The following SLC9A2 variants were observed in gnomAD, a reference collection of about 807,000 sequenced individuals.
SLC9A2 encodes the protein solute carrier family 9 member A2, also known as sodium/hydrogen exchanger 2.
Under a neutral mutation model 71.7 loss-of-function variants are expected in SLC9A2, and 42 were observed. That is an observed-to-expected ratio of 0.59 (90% CI 0.46 to 0.76). SLC9A2 has a LOEUF of 0.76. SLC9A2 is among the 30% of genes least tolerant of loss of function. The pLI is 0.00. For missense variants in SLC9A2, 829 were observed against 1,017.4 expected, an observed-to-expected ratio of 0.81 and a Z score of 2.52; for synonymous variants, 396 against 392.5, an observed-to-expected ratio of 1.01 and a Z score of -0.10.
Position 102,710,806 on chromosome 2 carries a change from G to A in SLC9A2, c.*2317G>A, listed in dbSNP as rs1361300630. 2.6e-5 allele frequency: 4 copies of A among 152,250 alleles called. No individual in the cohort carries two copies. Among genetic ancestry groups the A allele is most frequent in the Non-Finnish European group, 5.9e-5 (4 of 68,022 alleles). The allele number at this position is 152,250 out of a possible 1,614,324, so 9.4% of individuals were successfully genotyped here. A position where few individuals can be genotyped will look rare whatever the true frequency, so the allele number is the denominator to read the frequency against. On this transcript the variant is annotated 3_prime_UTR_variant, in exon 12 of 12. Coordinates refer to ENST00000233969, the MANE Select transcript of SLC9A2 (RefSeq NM_003048.6). ...AGAGAGAGCCGTAGCCCTTTGTAAA[G>A]GCTTTCGTTCGTCCAAACAACACTT...
intron 6 of SLC9A2, among the ~76,000 whole-genome samples, chr2:102,694,711 G>C (rs1677720929): frequency 6.6e-6 from 1 of 152,122 alleles, no homozygotes; most frequent in African/African-American, 2.4e-5. Flanking sequence ...CTAAACTCCT[G>C]CATGAGTAGA....
intron 10 of SLC9A2, among the ~76,000 whole-genome samples, chr2:102,705,216 A>G (rs1351629430): frequency 6.6e-6 from 1 of 152,014 alleles, no homozygotes; most frequent in African/African-American, 2.4e-5. Flanking sequence ...AATAATAACA[A>G]TAATAATAAT....
In SLC9A2 at chr2:102,704,618, G is replaced by A. The variant is rs1441215438; in HGVS notation, c.1920G>A (p.Arg640=). 25 of 1,613,570 alleles carry A rather than the reference G, an allele frequency of 1.5e-5. No homozygotes were observed. The highest frequency in any genetic ancestry group is 1.9e-5 in the Non-Finnish European group (23 of 1,179,724). Residue 640 remains arginine (R), a synonymous_variant, in exon 10 of 12, where the codon CGG becomes CGA. Transcript: ENST00000233969. ...AAGCCAAGGAGATTCTGATTCGCCG[G>A]CGACACAGTTTGCGAGAAAGCATTA... is the stretch of plus-strand genomic sequence containing the variant. ...ERQAKEILIR[R]RHSLRESIRK...
chr2:102,708,032 A>C, intron 11 of SLC9A2, 87 bp from the exon 12 acceptor site: 1 of 1,401,314 alleles, frequency 7.1e-7, no homozygotes, highest in Non-Finnish European at 9.8e-7. Context: ...AGGACGTATC[A>C]GTTGCCTGAC....
intron 8 of SLC9A2, 49 bp from the exon 9 acceptor site, chr2:102,702,357 T>C (rs1210809440): frequency 9.9e-7 from 1 of 1,015,070 alleles, no homozygotes; most frequent in Non-Finnish European, 1.5e-6. Flanking sequence ...AAATCAATGA[T>C]TCTAATATTT....
At chr2:102,632,045 CACACACATATAT>C (rs1676370139) in intron 1 of SLC9A2, among the ~76,000 whole-genome samples, 1 of 97,104 alleles carries the variant, frequency 1.0e-5, no homozygotes, top group African/African-American at 4.0e-5. Context: ...TATACATACA[CACACACATATAT>C]ATACACACAC....
intron 1 of SLC9A2, among the ~76,000 whole-genome samples, chr2:102,636,184 A>G (rs1244770350): frequency 2.0e-5 from 3 of 152,236 alleles, no homozygotes; most frequent in Non-Finnish European, 4.4e-5. Flanking sequence ...TTTTGCAACC[A>G]TAAGCAAATG....
chr2:102,703,633 G>A (rs552966701), intron 9 of SLC9A2, among the ~76,000 whole-genome samples: 1 of 152,312 alleles, frequency 6.6e-6, no homozygotes, highest in South Asian at 2.1e-4. Flanking sequence ...GCTCAAGGCA[G>A]GAATGAAGCC....
At chr2:102,684,557 A>T (rs2104540717) in intron 5 of SLC9A2, among the ~76,000 whole-genome samples, 1 of 152,312 alleles carries the variant, frequency 6.6e-6, no homozygotes, top group Admixed American at 6.5e-5. Context: ...TTATTTAAGG[A>T]AACTAAACTA....
chr2:102,657,722 G>A lies in SLC9A2; in HGVS notation c.448G>A (p.Val150Met), dbSNP rs372934406. 2.5e-6 allele frequency: 4 copies of A among 1,614,020 alleles called. No homozygotes were observed. The highest frequency in any genetic ancestry group is 1.1e-5 in the South Asian group (1 of 91,092). ...VFFLYLLPPIVLDAGYFMPTR... is the reference protein window; with the variant it reads ...VFFLYLLPPIMLDAGYFMPTR... ...TTTCTTGTACCTCCTCCCACCCATC[G>A]TGCTGGATGCCGGCTATTTCATGCC... Residue 150 changes from valine (V) to methionine (M), a missense_variant, in exon 2 of 12, where the codon GTG becomes ATG. This residue lies in a region of SLC9A2 where 500 missense variants were observed against 726.3 expected (regional missense o/e 0.69). Transcript: ENST00000233969.
intron 1 of SLC9A2, among the ~76,000 whole-genome samples, chr2:102,626,467 C>A (rs1467877448): frequency 6.6e-6 from 1 of 152,102 alleles, no homozygotes; most frequent in Non-Finnish European, 1.5e-5. Flanking sequence ...ACCATAAAAA[C>A]CCTAGAAGAA....
chr2:102,657,554 T>C lies in SLC9A2; in HGVS notation c.290-10T>C. On this transcript the variant is annotated splice_polypyrimidine_tract_variant and intron_variant, in intron 1 of 11. Transcript: ENST00000233969. Reference sequence around the variant, plus strand: ...ACCCAAGTTGTGTGTTTTTATTTTTTCCTTACCAGGCTTCCATCTGTATCA... The same window carrying C: ...ACCCAAGTTGTGTGTTTTTATTTTTCCCTTACCAGGCTTCCATCTGTATCA... The C allele has an allele frequency of 6.4e-7, 1 of 1,569,346 alleles. No homozygotes were observed. Among genetic ancestry groups the C allele is most frequent in the Non-Finnish European group, 8.6e-7 (1 of 1,158,026 alleles).
rs201347551 is a variant in SLC9A2 at position 102,646,768 on chromosome 2, A to AATATATATATATATAT, written c.290-10789_290-10774dup. 8.2e-3 allele frequency among the ~76,000 whole-genome samples: 1,091 copies of AATATATATATATATAT among 132,786 alleles called. 27 individuals carry two copies. The highest frequency in any genetic ancestry group is 0.02 in the African/African-American group (633 of 32,056). The allele number at this position is 132,786 out of a possible 152,430, so 87.1% of individuals were successfully genotyped here. The stretch of plus-strand genomic sequence containing the variant: ...GCAGCAAGAAGAGCTAACGATCCTA[A>AATATATATATATATAT]ATATATATATATATATATATATCTC... On this transcript the variant is annotated intron_variant, in intron 1 of 11. Coordinates refer to ENST00000233969, the MANE Select transcript of SLC9A2 (RefSeq NM_003048.6).
At chr2:102,645,560 G>T (rs1676704948) in intron 1 of SLC9A2, among the ~76,000 whole-genome samples, 1 of 151,902 alleles carries the variant, frequency 6.6e-6, no homozygotes, top group Non-Finnish European at 1.5e-5. Flanking sequence ...CTTGATAAAA[G>T]GTTATAGGAG....
chr2:102,704,426 A>G (rs755270113), intron 9 of SLC9A2, 118 bp from the exon 10 acceptor site: 2 of 841,702 alleles, frequency 2.4e-6, no homozygotes, highest in East Asian at 2.8e-5. Flanking sequence ...CACAGAAGTT[A>G]TAAGTGCTTA....
At chr2:102,684,868 C>A (rs1054999878) in intron 5 of SLC9A2, among the ~76,000 whole-genome samples, 4 of 152,152 alleles carry the variant, frequency 2.6e-5, no homozygotes, top group African/African-American at 9.7e-5. Flanking sequence ...ATTCATTTAT[C>A]AAATATTTCC....
At chr2:102,639,194 A>T (rs1207983736) in intron 1 of SLC9A2, among the ~76,000 whole-genome samples, 1 of 152,226 alleles carries the variant, frequency 6.6e-6, no homozygotes, top group African/African-American at 2.4e-5. Context: ...AAAAAATAGA[A>T]ACCTGCAGAA....
rs1676095528 is a variant in SLC9A2 at position 102,619,724 on chromosome 2, G to A, written c.-125G>A. ...GCAGAGACCCGGTGCCGCAGCAGCG[G>A]CGGGTGGCTGTCGCTGCCCTGCCCT... On this transcript the variant is annotated 5_prime_UTR_variant, in exon 1 of 12. Transcript: ENST00000233969. The surrounding 1 kb of genome is among the most constrained non-coding windows in gnomAD (Gnocchi z 4.3). The A allele has an allele frequency of 1.3e-5, 10 of 791,478 alleles. No homozygotes were observed. In the South Asian group the frequency reaches 2.6e-4, roughly 21 times the overall value. The allele number at this position is 791,478 out of a possible 1,614,324, so 49.0% of individuals were successfully genotyped here. A position where few individuals can be genotyped will look rare whatever the true frequency, so the allele number is the denominator to read the frequency against.
intron 5 of SLC9A2, among the ~76,000 whole-genome samples, chr2:102,687,783 A>AT (rs35653787): frequency 0.036 from 5,186 of 145,352 alleles, 289 homozygotes; most frequent in African/African-American, 0.12. Context: ...TGTTTGGGGA[A>AT]TTTTTTTTTT....
Sources: allele counts gnomAD v4.1 joint callset (sites outside exome capture counted in the v4.1 genomes callset), GRCh38; gene constraint gnomAD v4.1.1; regional missense constraint gnomAD v4.1.1; non-coding constraint Gnocchi (gnomAD v3.1); transcripts MANE v1.5; gene names NCBI Gene and HGNC (gene_info 2026-07-23, HGNC 2026-07-21).